Variants in ARHGEF4 observed in about 807,000 individuals in gnomAD.
ARHGEF4 encodes the protein Rho guanine nucleotide exchange factor 4.
Under a neutral mutation model 162.0 loss-of-function variants are expected in ARHGEF4, and 119 were observed. The observed-to-expected ratio is 0.73, with a 90% CI of 0.63 to 0.86. The LOEUF is 0.86. ARHGEF4 is among the 40% of genes least tolerant of loss of function. The probability of loss-of-function intolerance (pLI) is 0.00; values close to 1 mark genes in which losing one functional copy is unlikely to be tolerated. For missense variants in ARHGEF4, 2,488 were observed against 2,456.0 expected (o/e 1.01, Z -0.28); for synonymous variants, 1,014 against 979.9 (o/e 1.03, Z -0.65).
chr2:130,860,473 C>T lies in ARHGEF4; in HGVS notation c.39+23481C>T, dbSNP rs1481946728. ...CCTGTAATCCCAGCACTTTGGGAGG[C>T]CGAGGCAGGCAGATCACGAGGTCAG... On this transcript the variant is annotated intron_variant, in intron 1 of 13. Transcript: ENST00000409359. Among the ~76,000 whole-genome samples the T allele has an allele frequency of 3.8e-5, 3 of 79,042 alleles. No homozygotes were observed. In the South Asian group the frequency reaches 1.6e-3, roughly 41 times the overall value. The allele number at this position is 79,042 out of a possible 152,430, so 51.9% of individuals were successfully genotyped here.
chr2:130,991,108 G>C (rs1211150834), intron 4 of ARHGEF4, among the ~76,000 whole-genome samples: 1 of 152,264 alleles, frequency 6.6e-6, no homozygotes, highest in African/African-American at 2.4e-5. Flanking sequence ...AAATGAAGGA[G>C]AGATGTGAAT....
chr2:131,035,292 A>G, intron 5 of ARHGEF4: 2 of 1,200,474 alleles, frequency 1.7e-6, no homozygotes, highest in Non-Finnish European at 2.1e-6. Context: ...CGCCGGGGTG[A>G]GTGGCGCGGG....
intron 1 of ARHGEF4, among the ~76,000 whole-genome samples, chr2:130,846,364 G>A (rs1680965552): frequency 6.6e-6 from 1 of 152,216 alleles, no homozygotes; most frequent in African/African-American, 2.4e-5. Flanking sequence ...GATCCCAGGA[G>A]CCACCCACAC....
In ARHGEF4 at chr2:130,948,777, T is replaced by A. The variant is rs13383395; in HGVS notation, c.3985+2142T>A. On this transcript the variant is annotated intron_variant, in intron 4 of 13. Coordinates refer to ENST00000409359, the MANE Select transcript of ARHGEF4 (RefSeq NM_001367493.1). The stretch of plus-strand genomic sequence containing the variant: ...ATATGTCAGGTTCCTTTTTTCTTTT[T>A]TTCTCAGAAATTCTGCAAGAAAGTA... 6.0e-3 allele frequency among the ~76,000 whole-genome samples: 914 copies of A among 152,356 alleles called. 8 individuals carry two copies. The highest frequency in any genetic ancestry group is 0.021 in the African/African-American group (882 of 41,588).
intron 4 of ARHGEF4, among the ~76,000 whole-genome samples, chr2:131,006,732 A>G (rs1215311398): frequency 6.6e-6 from 1 of 152,206 alleles, no homozygotes; most frequent in Admixed American, 6.5e-5. Flanking sequence ...ACTGTTAAGC[A>G]AAGAGCAGAT....
At chr2:130,990,297 A>G (rs1385739859) in intron 4 of ARHGEF4, among the ~76,000 whole-genome samples, 2 of 152,212 alleles carry the variant, frequency 1.3e-5, no homozygotes, top group Non-Finnish European at 2.9e-5. Context: ...GCATTTGTGC[A>G]TAGAAGTGTT....
chr2:130,892,529 G>A (rs916422583), intron 1 of ARHGEF4, among the ~76,000 whole-genome samples: 79 of 152,322 alleles, frequency 5.2e-4, no homozygotes, highest in African/African-American at 1.9e-3. Flanking sequence ...TAGGATGGCT[G>A]TGACTCAGGC....
chr2:131,001,301 TCAAAAAAAA>T (rs1687743917), intron 4 of ARHGEF4, among the ~76,000 whole-genome samples: 1 of 22,212 alleles, frequency 4.5e-5, no homozygotes, highest in Admixed American at 7.4e-4. Context: ...AGACTGTGTC[TCAAAAAAAA>T]AAAAAAAAAA....
At chr2:131,012,699 G>A (rs1688534564) in intron 4 of ARHGEF4, among the ~76,000 whole-genome samples, 2 of 152,292 alleles carry the variant, frequency 1.3e-5, no homozygotes, top group South Asian at 4.1e-4. Flanking sequence ...TCATGCCTCA[G>A]CCTCCTGAGC....
In ARHGEF4 at chr2:130,917,392, T is replaced by C; in HGVS notation, c.3446T>C (p.Leu1149Pro). Residue 1149 changes from leucine to proline, a missense_variant, in exon 2 of 14, where the codon CTG becomes CCG. Physicochemically the swap from Leu to Pro is moderately conservative, Grantham distance 98. Around this residue, in one of 6 missense-constraint regions of ARHGEF4, gnomAD observed 1,642 missense variants for 1,481.5 expected, o/e 1.11. Coordinates refer to ENST00000409359, the MANE Select transcript of ARHGEF4 (RefSeq NM_001367493.1). ...GGCCAGACCAGTTTCCTGCTTTCTC[T>C]GCAGACGCTAAACCAAGATGAGCAG... ...PKGQTSFLLS[L>P]QTLNQDEQKE... The C allele has an allele frequency of 6.4e-7, 1 of 1,550,626 alleles. No homozygotes were observed. The highest frequency in any genetic ancestry group is 1.2e-5 in the South Asian group (1 of 84,060).
chr2:131,002,635 G>A (rs915449871), intron 4 of ARHGEF4, among the ~76,000 whole-genome samples: 6 of 147,354 alleles, frequency 4.1e-5, no homozygotes, highest in African/African-American at 1.0e-4. Flanking sequence ...TCGTGAACCC[G>A]GGAGGCGGAG....
At chr2:131,016,151 A>AC (rs1048751975) in intron 4 of ARHGEF4, among the ~76,000 whole-genome samples, 2 of 149,636 alleles carry the variant, frequency 1.3e-5, no homozygotes, top group African/African-American at 2.5e-5. Context: ...AACACTCTTC[A>AC]CCCCCCTTGC....
Position 131,041,805 on chromosome 2 carries a change from T to C in ARHGEF4, c.4896-10T>C. The C allele has an allele frequency of 6.2e-7, 1 of 1,612,400 alleles. No homozygotes were observed. Among genetic ancestry groups the C allele is most frequent in the Non-Finnish European group, 8.5e-7 (1 of 1,179,714 alleles). On this transcript the variant is annotated splice_polypyrimidine_tract_variant and intron_variant, in intron 9 of 13. Coordinates refer to ENST00000409359, the MANE Select transcript of ARHGEF4 (RefSeq NM_001367493.1). Reference sequence around the variant, plus strand: ...GCCTGCAGCAGCCTTCCATCTCTGTTCTGCCCCAGGGACTTCAAGGATGTT... The same window carrying C: ...GCCTGCAGCAGCCTTCCATCTCTGTCCTGCCCCAGGGACTTCAAGGATGTT...
intron 4 of ARHGEF4, among the ~76,000 whole-genome samples, chr2:130,991,623 G>C (rs1686985349): frequency 6.6e-6 from 1 of 152,228 alleles, no homozygotes; most frequent in Non-Finnish European, 1.5e-5. Context: ...GGGTTCCCCA[G>C]CAGTGCCAGC....
At chr2:130,874,144 C>G (rs1458091429) in intron 1 of ARHGEF4, among the ~76,000 whole-genome samples, 2 of 152,208 alleles carry the variant, frequency 1.3e-5, no homozygotes, top group Admixed American at 1.3e-4. Flanking sequence ...CGACTCACCC[C>G]ACGCTGGGGG....
At chr2:130,987,198 C>T (rs1686572644) in intron 4 of ARHGEF4, among the ~76,000 whole-genome samples, 2 of 152,214 alleles carry the variant, frequency 1.3e-5, no homozygotes, top group African/African-American at 4.8e-5. Context: ...GGGGAGCTGG[C>T]TCTGGAAGGA....
In ARHGEF4 at chr2:130,908,489, A is replaced by T. The variant is rs1188242819; in HGVS notation, c.40-5497A>T. On this transcript the variant is annotated intron_variant, in intron 1 of 13. Transcript: ENST00000409359. ...CAGGAGTTCAAGACCAGCCTGGCCA[A>T]CATAGTGAAACCTTGTCTCTACTAG... Among the ~76,000 whole-genome samples the T allele has an allele frequency of 2.0e-5, 3 of 152,318 alleles. No homozygotes were observed. The East Asian group carries it at 5.8e-4, about 29-fold the overall frequency.
intron 1 of ARHGEF4, among the ~76,000 whole-genome samples, chr2:130,876,907 T>C (rs563348229): frequency 2.6e-5 from 4 of 152,324 alleles, no homozygotes; most frequent in Admixed American, 6.5e-5. Flanking sequence ...TGGATCTTAT[T>C]TGTCGTTTTT....
In ARHGEF4 at chr2:130,988,911, G is replaced by A. The variant is rs1336183434; in HGVS notation, c.3986-39034G>A. On this transcript the variant is annotated intron_variant, in intron 4 of 13. Transcript: ENST00000409359. ...ATATATATATATATATAGAGAGAGA[G>A]AGAGAGAGAGAGAGAGAGAGAGAGA... 1.7e-4 allele frequency among the ~76,000 whole-genome samples: 25 copies of A among 143,978 alleles called. 2 individuals carry two copies. In the East Asian group the frequency reaches 3.6e-3, roughly 20 times the overall value. The allele number at this position is 143,978 out of a possible 152,430, so 94.5% of individuals were successfully genotyped here. A position where few individuals can be genotyped will look rare whatever the true frequency, so the allele number is the denominator to read the frequency against.
Sources: allele counts gnomAD v4.1 joint callset (sites outside exome capture counted in the v4.1 genomes callset), GRCh38; gene constraint gnomAD v4.1.1; regional missense constraint gnomAD v4.1.1; transcripts MANE v1.5; gene names NCBI Gene and HGNC (gene_info 2026-07-23, HGNC 2026-07-21).